The following CHRM3 variants were observed in gnomAD, a reference collection of about 807,000 sequenced individuals.
CHRM3 encodes the protein muscarinic acetylcholine receptor M3.
In CHRM3, 11 loss-of-function variants were observed where a neutral mutation model predicts 41.8. That is an observed-to-expected ratio of 0.26 (90% CI 0.17 to 0.44). The LOEUF is 0.44. Among genes scored for constraint, CHRM3 ranks in the 20% least tolerant of loss-of-function variants. The pLI, the probability that CHRM3 is intolerant of heterozygous loss-of-function variation, is 1.00. For synonymous variants in CHRM3, 297 were observed against 301.4 expected (o/e 0.99, Z 0.15); for missense variants, 571 against 745.4 (o/e 0.77, Z 2.72).
intron 5 of CHRM3, among the ~76,000 whole-genome samples, chr1:239,810,285 G>A (rs563116752): frequency 6.6e-6 from 1 of 152,278 alleles, no homozygotes; most frequent in Non-Finnish European, 1.5e-5. Context: ...AATGCGGGGG[G>A]ACTTGAGGGC....
intron 3 of CHRM3, among the ~76,000 whole-genome samples, chr1:239,581,945 A>G (rs4659920): frequency 0.82 from 125,301 of 152,170 alleles, 53,890 homozygotes; most frequent in Non-Finnish European, 0.93. Flanking sequence ...TATTTGTAGC[A>G]TTTTTCATCT....
intron 5 of CHRM3, among the ~76,000 whole-genome samples, chr1:239,710,454 A>T (rs559985713): frequency 2.0e-5 from 3 of 152,076 alleles, no homozygotes; most frequent in Non-Finnish European, 2.9e-5. Context: ...AAATGATGAG[A>T]AATAACATTG....
intron 6 of CHRM3, among the ~76,000 whole-genome samples, chr1:239,903,931 C>T (rs1332503232): frequency 6.6e-6 from 1 of 152,038 alleles, no homozygotes; most frequent in East Asian, 1.9e-4. Context: ...AGGCTATTTC[C>T]AAAAAGACAG....
At chr1:239,541,899 A>G (rs1247242898) in intron 2 of CHRM3, among the ~76,000 whole-genome samples, 20 of 152,112 alleles carry the variant, frequency 1.3e-4, no homozygotes, top group Non-Finnish European at 2.8e-4. Flanking sequence ...TCTCTCAACA[A>G]ATATTAGAAC....
At chr1:239,406,099 C>A (rs1181953104) in intron 1 of CHRM3, among the ~76,000 whole-genome samples, 3 of 152,104 alleles carry the variant, frequency 2.0e-5, no homozygotes, top group Admixed American at 1.3e-4. Context: ...ACCATGTTGG[C>A]CAGGCTGATC....
At chr1:239,465,015 G>A (rs1665619906) in intron 1 of CHRM3, among the ~76,000 whole-genome samples, 1 of 151,992 alleles carries the variant, frequency 6.6e-6, no homozygotes. Flanking sequence ...CAAAATCTGT[G>A]CCTCCCATTT....
intron 5 of CHRM3, among the ~76,000 whole-genome samples, chr1:239,751,583 A>AT (rs1309507252): frequency 6.6e-6 from 1 of 152,138 alleles, no homozygotes; most frequent in Admixed American, 6.5e-5. Context: ...TTTACTTATG[A>AT]TTTTTTAGAT....
intron 5 of CHRM3, among the ~76,000 whole-genome samples, chr1:239,743,777 C>CTTTTTT (rs992688177): frequency 2.4e-4 from 29 of 122,430 alleles, no homozygotes; most frequent in East Asian, 4.8e-4. Context: ...TTTTCTTTTT[C>CTTTTTT]TTTTTTTTTT....
At chr1:239,531,681 G>T (rs1313286616) in intron 2 of CHRM3, among the ~76,000 whole-genome samples, 39 of 89,184 alleles carry the variant, frequency 4.4e-4, no homozygotes, top group South Asian at 2.3e-3. Flanking sequence ...TTTTTTGGAG[G>T]CAGAGTCTCG....
intron 5 of CHRM3, among the ~76,000 whole-genome samples, chr1:239,687,252 A>C (rs1363106988): frequency 6.6e-6 from 1 of 152,102 alleles, no homozygotes; most frequent in Admixed American, 6.6e-5. Context: ...TTATCACTTT[A>C]GTTTATTTGT....
intron 3 of CHRM3, among the ~76,000 whole-genome samples, chr1:239,613,060 G>A (rs968846856): frequency 2.6e-5 from 4 of 152,224 alleles, no homozygotes; most frequent in African/African-American, 9.6e-5. Flanking sequence ...CCTAAGATTA[G>A]GAGACTGCTG....
chr1:239,825,280 T>G (rs1172004027), intron 5 of CHRM3, among the ~76,000 whole-genome samples: 1 of 150,714 alleles, frequency 6.6e-6, no homozygotes, highest in East Asian at 2.0e-4. Context: ...GAACACCCCA[T>G]GCCTGCTCCG....
At chr1:239,553,021 G>A (rs933880129) in intron 3 of CHRM3, among the ~76,000 whole-genome samples, 1 of 151,988 alleles carries the variant, frequency 6.6e-6, no homozygotes, top group Non-Finnish European at 1.5e-5. Flanking sequence ...TCCTAGCCAC[G>A]TTGTCTCTCA....
chr1:239,845,223 G>A (rs763623083), intron 6 of CHRM3, among the ~76,000 whole-genome samples: 10 of 152,142 alleles, frequency 6.6e-5, no homozygotes, highest in Non-Finnish European at 1.3e-4. Flanking sequence ...TTTCTGAGGT[G>A]TTCAGGGACT....
At chr1:239,820,884 A>G (rs6696101) in intron 5 of CHRM3, among the ~76,000 whole-genome samples, 41,702 of 152,148 alleles carry the variant, frequency 0.27, 6,005 homozygotes, top group African/African-American at 0.35. Context: ...AATGAAAAAT[A>G]AATTTTAAAA....
intron 3 of CHRM3, among the ~76,000 whole-genome samples, chr1:239,621,127 T>C (rs1668314399): frequency 6.6e-6 from 1 of 152,164 alleles, no homozygotes; most frequent in South Asian, 2.1e-4. Flanking sequence ...GACATGGTGA[T>C]CTGGAATCAG....
chr1:239,472,117 A>G lies in CHRM3; in HGVS notation c.-520-20592A>G, dbSNP rs369429243. Reference sequence around the variant, plus strand: ...TTCATAGGCAGATAGGACACAAGTGATTGCAAGCTTATTAGCCTCAAAGAA... The same window carrying G: ...TTCATAGGCAGATAGGACACAAGTGGTTGCAAGCTTATTAGCCTCAAAGAA... On this transcript the variant is annotated intron_variant, in intron 1 of 6. Coordinates refer to ENST00000676153, the MANE Select transcript of CHRM3 (RefSeq NM_001375978.1). 4.6e-5 allele frequency among the ~76,000 whole-genome samples: 7 copies of G among 152,298 alleles called. No homozygotes were observed. The East Asian group carries it at 1.2e-3, about 25-fold the overall frequency.
At chr1:239,761,487 G>A (rs917108044) in intron 5 of CHRM3, among the ~76,000 whole-genome samples, 2 of 152,168 alleles carry the variant, frequency 1.3e-5, no homozygotes, top group Non-Finnish European at 2.9e-5. Flanking sequence ...TCACTGGGTC[G>A]TAGACTTTCT....
chr1:239,689,474 A>C (rs1659500754), intron 5 of CHRM3, among the ~76,000 whole-genome samples: 1 of 152,196 alleles, frequency 6.6e-6, no homozygotes, highest in Non-Finnish European at 1.5e-5. Flanking sequence ...ATAAGAGTTA[A>C]AAGGATTACA....
Sources: gnomAD v4.1 joint callset for allele counts (sites outside exome capture counted in the v4.1 genomes callset) on GRCh38, gnomAD v4.1.1 for gene constraint, MANE v1.5 for transcripts, NCBI Gene and HGNC (gene_info 2026-07-23, HGNC 2026-07-21) for gene names.